Variants in SARNP observed in about 807,000 individuals in gnomAD.
SARNP encodes SAP domain-containing ribonucleoprotein.
A neutral mutation model predicts 38.1 loss-of-function variants in SARNP; 5 were observed. The ratio of observed to expected loss-of-function variants is 0.13; its 90% confidence interval spans 0.07 to 0.28. The LOEUF (loss-of-function observed/expected upper bound fraction) is 0.28. SARNP is among the 10% of genes least tolerant of loss of function. SARNP has a pLI of 1.00. For missense variants in SARNP, 180 were observed against 243.9 expected (o/e 0.74, Z 1.75); for synonymous variants, 84 against 80.6 (o/e 1.04, Z -0.23).
At chr12:55,766,453 G>A (rs533233955) in intron 9 of SARNP, among the ~76,000 whole-genome samples, 2 of 152,102 alleles carry the variant, frequency 1.3e-5, no homozygotes, top group African/African-American at 4.8e-5. Flanking sequence ...ACCGACAGAT[G>A]CCAGTAATTT....
chr12:55,808,938 T>G (rs1035137507), intron 1 of SARNP, among the ~76,000 whole-genome samples: 2 of 152,150 alleles, frequency 1.3e-5, no homozygotes, highest in Non-Finnish European at 2.9e-5. Context: ...TTGATTTGAT[T>G]TGAAATGTTT....
chr12:55,787,715 C>T (rs534200778), intron 9 of SARNP, among the ~76,000 whole-genome samples: 1 of 151,604 alleles, frequency 6.6e-6, no homozygotes, highest in East Asian at 1.9e-4. Context: ...GGATTACAGG[C>T]ACGGTGGTGC....
At chr12:55,803,494 A>AG in intron 2 of SARNP, 135 bp downstream of exon 2, 2 of 516,964 alleles carry the variant, frequency 3.9e-6, no homozygotes, top group African/African-American at 2.0e-5. Context: ...AAAAAAAAAA[A>AG]AGAGAGAGTT....
In SARNP at chr12:55,790,604, A is replaced by G. The variant is rs1166726853; in HGVS notation, c.407-12T>C. On this transcript the variant is annotated splice_polypyrimidine_tract_variant and intron_variant, in intron 7 of 10. Transcript: ENST00000336133. ...ATCAGATGACAGACCTAAGGAAGTA[A>G]ATAAAGTTTTATTTAATATTTTTAA... 6.6e-7 allele frequency: 1 copy of G among 1,509,554 alleles called. No individual in the cohort carries two copies. The highest frequency in any genetic ancestry group is 1.3e-5 in the South Asian group (1 of 76,238). 93.5% of individuals were successfully genotyped at this position (1,509,554 alleles called of 1,614,324 possible). A position where few individuals can be genotyped will look rare whatever the true frequency, so the allele number is the denominator to read the frequency against.
intron 9 of SARNP, among the ~76,000 whole-genome samples, chr12:55,783,309 G>A (rs1275390102): frequency 2.6e-5 from 4 of 151,836 alleles, no homozygotes; most frequent in South Asian, 2.1e-4. Flanking sequence ...GTTGTTTGAG[G>A]GGGGTGGGTG....
rs73334301 is a variant in SARNP, at chr12:55,806,089, T to G, written c.37-2361A>C. ...CTTTTGCCAGTTTTAAAAAAAAAAA[T>G]GACTGCAGAGTGACTGGAGAGCATA... On this transcript the variant is annotated intron_variant, in intron 1 of 10. Coordinates refer to ENST00000336133, the MANE Select transcript of SARNP (RefSeq NM_033082.4). 8.7e-5 allele frequency among the ~76,000 whole-genome samples: 13 copies of G among 149,340 alleles called. No homozygotes were observed. The South Asian group carries it at 2.5e-3, about 29-fold the overall frequency.
chr12:55,758,449 A>G (rs1878579224), intron 10 of SARNP, among the ~76,000 whole-genome samples: 1 of 152,108 alleles, frequency 6.6e-6, no homozygotes, highest in African/African-American at 2.4e-5. Flanking sequence ...GTTCAAGACC[A>G]GCCTGACCAA....
rs550838702 is a variant in SARNP at position 55,763,120 on chromosome 12, C to T, written c.502-2480G>A. 5.9e-5 allele frequency among the ~76,000 whole-genome samples: 9 copies of T among 152,218 alleles called. No homozygotes were observed. In the East Asian group the frequency reaches 9.6e-4, roughly 16 times the overall value. On this transcript the variant is annotated intron_variant, in intron 9 of 10. Transcript: ENST00000336133. ...ATTATGACCACCAGCAAATCCATAG[C>T]GGGTACCTCATTAATGTACTCTGAA...
intron 4 of SARNP, among the ~76,000 whole-genome samples, chr12:55,797,470 C>T (rs1017011953): frequency 6.6e-6 from 1 of 152,146 alleles, no homozygotes; most frequent in African/African-American, 2.4e-5. Flanking sequence ...TAAACGCTTC[C>T]CATTTCCTTG....
At chr12:55,761,003 C>T (rs1157415564) in intron 9 of SARNP, among the ~76,000 whole-genome samples, 1 of 151,766 alleles carries the variant, frequency 6.6e-6, no homozygotes, top group Non-Finnish European at 1.5e-5. Context: ...GATGAAACCC[C>T]ATTTCGACTA....
At chr12:55,782,126 T>TAGGACAGTTACCTATATGA (rs1879357861) in intron 9 of SARNP, among the ~76,000 whole-genome samples, 1 of 152,184 alleles carries the variant, frequency 6.6e-6, no homozygotes, top group African/African-American at 2.4e-5. Flanking sequence ...GACAACTCTT[T>TAGGACAGTTACCTATATGA]AGGACAGTTA....
At chr12:55,787,105 A>G (rs1009283034) in intron 9 of SARNP, among the ~76,000 whole-genome samples, 2 of 151,866 alleles carry the variant, frequency 1.3e-5, no homozygotes, top group African/African-American at 4.8e-5. Context: ...GGTGGCACAC[A>G]TCTGTGGTCC....
chr12:55,778,024 G>A (rs141901524), intron 9 of SARNP, among the ~76,000 whole-genome samples: 43 of 152,294 alleles, frequency 2.8e-4, no homozygotes, highest in East Asian at 2.7e-3. Flanking sequence ...TGGGAAGGGA[G>A]GGAGATGATG....
At chr12:55,774,079 G>A (rs965132902) in intron 9 of SARNP, among the ~76,000 whole-genome samples, 1 of 151,900 alleles carries the variant, frequency 6.6e-6, no homozygotes, top group Non-Finnish European at 1.5e-5. Flanking sequence ...ACCATAGCTC[G>A]CTGCAGCCTG....
chr12:55,778,531 T>C (rs1879251530), intron 9 of SARNP, among the ~76,000 whole-genome samples: 1 of 152,126 alleles, frequency 6.6e-6, no homozygotes, highest in Non-Finnish European at 1.5e-5. Context: ...CTTTTTTTTA[T>C]CTTAAAGGGG....
At position 55,800,649 on chromosome 12, in the gene SARNP, G is replaced by C; in HGVS notation, c.184-20C>G. The C allele has an allele frequency of 1.3e-6, 2 of 1,578,780 alleles. No individual in the cohort carries two copies. The highest frequency in any genetic ancestry group is 1.7e-6 in the Non-Finnish European group (2 of 1,154,380). ...TTCTTCCTAAAACCAAATGAAACAAGGTGGTTAACATAAATCTAAAGAATA... is the reference window on the plus strand; with the variant it reads ...TTCTTCCTAAAACCAAATGAAACAACGTGGTTAACATAAATCTAAAGAATA... On this transcript the variant is annotated intron_variant, in intron 3 of 10. Coordinates refer to ENST00000336133, the MANE Select transcript of SARNP (RefSeq NM_033082.4).
intron 7 of SARNP, among the ~76,000 whole-genome samples, chr12:55,791,284 A>T (rs1327684697): frequency 6.6e-6 from 1 of 152,254 alleles, no homozygotes; most frequent in Non-Finnish European, 1.5e-5. Flanking sequence ...ATACTATGAA[A>T]TAATGAATTA....
intron 9 of SARNP, among the ~76,000 whole-genome samples, chr12:55,786,505 G>A (rs1049492174): frequency 1.3e-5 from 2 of 152,186 alleles, no homozygotes; most frequent in East Asian, 1.9e-4. Context: ...GCTGGAGTAC[G>A]GTGGCGCAAT....
intron 9 of SARNP, among the ~76,000 whole-genome samples, chr12:55,769,933 G>GT (rs908360204): frequency 5.2e-4 from 79 of 152,250 alleles, no homozygotes; most frequent in African/African-American, 1.8e-3. Flanking sequence ...CTTAAGACGG[G>GT]TTTTTATCAG....
Sources: allele counts gnomAD v4.1 joint callset (sites outside exome capture counted in the v4.1 genomes callset), GRCh38; gene constraint gnomAD v4.1.1; transcripts MANE v1.5; gene names NCBI Gene and HGNC (gene_info 2026-07-23, HGNC 2026-07-21).